Variants in GPR39 observed in about 807,000 individuals in gnomAD.
GPR39 encodes G protein-coupled receptor 39.
Under a neutral mutation model 18.4 loss-of-function variants are expected in GPR39, and 23 were observed. The observed-to-expected ratio is 1.25, with a 90% confidence interval of 0.90 to 1.77. GPR39 has a LOEUF of 1.77. Among genes scored for constraint, GPR39 ranks in the 40% most tolerant of loss-of-function variants. GPR39 has a pLI of 0.00. For missense variants in GPR39, 647 were observed against 602.4 expected (o/e 1.07, Z -0.78); for synonymous variants, 280 against 257.9 (o/e 1.09, Z -0.82).
chr2:132,581,932 A>G (rs1256016722), intron 1 of GPR39, among the ~76,000 whole-genome samples: 1 of 152,070 alleles, frequency 6.6e-6, no homozygotes, highest in African/African-American at 2.4e-5. Flanking sequence ...GGTGTTGTTT[A>G]CTGCAGATGT....
rs560663064 is a variant in GPR39, at chr2:132,484,498, A to G, written c.856+66600A>G. On this transcript the variant is annotated intron_variant, in intron 1 of 1. Transcript: ENST00000329321. ...GGTGAACTTGGCCATTAGTTCATAC[A>G]GCCCTGGGAGACAGATGGACAAGCC... Among the ~76,000 whole-genome samples, 10 of 152,324 alleles carry G rather than the reference A, an allele frequency of 6.6e-5. No homozygotes were observed. The South Asian group carries it at 1.7e-3, about 25-fold the overall frequency.
chr2:132,471,096 G>A (rs1461079986), intron 1 of GPR39, among the ~76,000 whole-genome samples: 1 of 152,176 alleles, frequency 6.6e-6, no homozygotes, highest in Non-Finnish European at 1.5e-5. Context: ...CAATCCCAGG[G>A]CAGTGGGAGT....
intron 1 of GPR39, among the ~76,000 whole-genome samples, chr2:132,598,055 C>A (rs563428617): frequency 6.6e-6 from 1 of 152,190 alleles, no homozygotes; most frequent in Non-Finnish European, 1.5e-5. Context: ...AGCTGCAAGT[C>A]GGGGCCACAG....
intron 1 of GPR39, among the ~76,000 whole-genome samples, chr2:132,473,936 C>T (rs1037715847): frequency 1.3e-5 from 2 of 152,170 alleles, no homozygotes; most frequent in African/African-American, 2.4e-5. Context: ...AGGGAAGAAA[C>T]GTGAGGGTCT....
At chr2:132,417,954 C>T in intron 1 of GPR39, 56 bp downstream of exon 1, 1 of 1,523,232 alleles carries the variant, frequency 6.6e-7, no homozygotes, top group South Asian at 1.3e-5. Flanking sequence ...CCCCCACGAC[C>T]CGTGCCACTG....
At chr2:132,643,656 C>T (rs1681913277) in intron 1 of GPR39, among the ~76,000 whole-genome samples, 1 of 152,176 alleles carries the variant, frequency 6.6e-6, no homozygotes, top group South Asian at 2.1e-4. Context: ...TCTGAGACCA[C>T]AGGTGTGTAT....
intron 1 of GPR39, among the ~76,000 whole-genome samples, chr2:132,585,867 T>G (rs1257400480): frequency 6.6e-6 from 1 of 151,632 alleles, no homozygotes; most frequent in Non-Finnish European, 1.5e-5. Flanking sequence ...GTTGGGCTTA[T>G]GTTGTTGTTA....
At chr2:132,450,505 C>T (rs548222906) in intron 1 of GPR39, among the ~76,000 whole-genome samples, 9 of 152,216 alleles carry the variant, frequency 5.9e-5, no homozygotes, top group Non-Finnish European at 1.0e-4. Context: ...ACCTGGGATT[C>T]GTAAAAGTTC....
intron 1 of GPR39, among the ~76,000 whole-genome samples, chr2:132,546,901 G>GAAGGAGGA (rs1207731396): frequency 2.1e-5 from 3 of 144,996 alleles, no homozygotes; most frequent in Non-Finnish European, 4.5e-5. Flanking sequence ...GAAGGGGAGG[G>GAAGGAGGA]AAGGAGGAAA....
intron 1 of GPR39, chr2:132,433,686 A>C (rs1558797486): frequency 6.6e-6 from 1 of 150,960 alleles, no homozygotes; most frequent in Non-Finnish European, 1.5e-5. Context: ...CATTAAAAAA[A>C]AAAATTCATG....
At chr2:132,563,013 C>T (rs1680282273) in intron 1 of GPR39, among the ~76,000 whole-genome samples, 1 of 152,198 alleles carries the variant, frequency 6.6e-6, no homozygotes, top group Admixed American at 6.5e-5. Flanking sequence ...GCAGTGTTTG[C>T]TGCCACAGGG....
chr2:132,646,195 T>G lies in GPR39; in HGVS notation c.*589T>G. 6.2e-7 allele frequency: 1 copy of G among 1,608,686 alleles called. No homozygotes were observed. The highest frequency in any genetic ancestry group is 8.5e-7 in the Non-Finnish European group (1 of 1,177,024). On this transcript the variant is annotated 3_prime_UTR_variant, in exon 2 of 2. Transcript: ENST00000329321. ...AGCAGCTGATGCAAACTGAGTTCAG[T>G]TTCCCTGGGGAGCAGAAGGACTGGT...
chr2:132,532,078 T>C (rs1306270009), intron 1 of GPR39, among the ~76,000 whole-genome samples: 1 of 151,826 alleles, frequency 6.6e-6, no homozygotes, highest in Non-Finnish European at 1.5e-5. Context: ...TTTTGAAAGA[T>C]CAACAAAATT....
intron 1 of GPR39, among the ~76,000 whole-genome samples, chr2:132,538,453 C>T (rs962542698): frequency 6.6e-6 from 1 of 152,190 alleles, no homozygotes; most frequent in Non-Finnish European, 1.5e-5. Context: ...GGCTTGATGC[C>T]AGCCAGAGCT....
At chr2:132,492,681 A>T (rs1431495036) in intron 1 of GPR39, among the ~76,000 whole-genome samples, 1 of 141,116 alleles carries the variant, frequency 7.1e-6, no homozygotes, top group Non-Finnish European at 1.5e-5. Flanking sequence ...TATATAATAT[A>T]TATACACACC....
chr2:132,426,927 G>A (rs1041040001), intron 1 of GPR39, among the ~76,000 whole-genome samples: 1 of 151,996 alleles, frequency 6.6e-6, no homozygotes, highest in Non-Finnish European at 1.5e-5. Flanking sequence ...CCAGCTGGGA[G>A]TGATGACGCT....
intron 1 of GPR39, among the ~76,000 whole-genome samples, chr2:132,571,090 A>G (rs960213214): frequency 3.3e-5 from 5 of 152,346 alleles, no homozygotes; most frequent in Admixed American, 2.6e-4. Context: ...TTAACTAGGT[A>G]CTTTAAATTC....
intron 1 of GPR39, among the ~76,000 whole-genome samples, chr2:132,580,752 G>A (rs1438535303): frequency 1.3e-5 from 2 of 152,014 alleles, no homozygotes; most frequent in Non-Finnish European, 2.9e-5. Flanking sequence ...TCACAAAGTC[G>A]AGAGTTCAAG....
intron 1 of GPR39, among the ~76,000 whole-genome samples, chr2:132,519,794 C>T (rs1679391487): frequency 6.6e-6 from 1 of 152,190 alleles, no homozygotes; most frequent in Non-Finnish European, 1.5e-5. Flanking sequence ...CTCATCATTG[C>T]TATTTCCACC....
Sources: gnomAD v4.1 joint callset for allele counts (sites outside exome capture counted in the v4.1 genomes callset) on GRCh38, gnomAD v4.1.1 for gene constraint, MANE v1.5 for transcripts, NCBI Gene and HGNC (gene_info 2026-07-23, HGNC 2026-07-21) for gene names.